CR1: variants seen among roughly 807,000 people sequenced by gnomAD.
The protein encoded by CR1 is complement C3b/C4b receptor 1 (Knops blood group).
A neutral mutation model predicts 187.3 loss-of-function variants in CR1; 116 were observed. The ratio of observed to expected loss-of-function variants is 0.62; its 90% CI spans 0.53 to 0.72. The LOEUF (loss-of-function observed/expected upper bound fraction) is 0.72, where lower values mean the gene tolerates loss of function less well. Ranked by LOEUF, CR1 falls within the 30% of genes least tolerant of loss-of-function variation. CR1 has a pLI of 0.00. For synonymous variants in CR1, 576 were observed against 747.1 expected (o/e 0.77, Z 3.73); for missense variants, 1,731 against 2,110.7 (o/e 0.82, Z 3.52).
chr1:207,517,989 TTTTA>T (rs1290989058), intron 4 of CR1, among the ~76,000 whole-genome samples: 2 of 152,190 alleles, frequency 1.3e-5, no homozygotes, highest in African/African-American at 4.8e-5. Context: ...CTATTTTCTC[TTTTA>T]TTGATTTCTG....
At chr1:207,517,444 A>G (rs897104529) in intron 4 of CR1, among the ~76,000 whole-genome samples, 1 of 152,098 alleles carries the variant, frequency 6.6e-6, no homozygotes, top group Admixed American at 6.5e-5. Flanking sequence ...ATTTGCATTT[A>G]TATTCTCAAG....
chr1:207,503,360 C>A (rs1349806765), intron 1 of CR1, among the ~76,000 whole-genome samples: 2 of 152,172 alleles, frequency 1.3e-5, no homozygotes, highest in Non-Finnish European at 2.9e-5. Context: ...GCTGCTGTAA[C>A]AAATTTCCAC....
chr1:207,572,284 C>A (rs2102330106), intron 27 of CR1, among the ~76,000 whole-genome samples: 1 of 147,804 alleles, frequency 6.8e-6, no homozygotes, highest in East Asian at 2.0e-4. Context: ...CTAGAAAAAT[C>A]TTTTGTGAAA....
At chr1:207,521,934 G>A (rs911671645) in intron 4 of CR1, among the ~76,000 whole-genome samples, 11 of 151,230 alleles carry the variant, frequency 7.3e-5, no homozygotes, top group Admixed American at 2.0e-4. Context: ...CTCCCATAGC[G>A]TTAGAATTAC....
chr1:207,523,397 A>G (rs1317875996), intron 4 of CR1, among the ~76,000 whole-genome samples: 2 of 152,252 alleles, frequency 1.3e-5, no homozygotes, highest in African/African-American at 4.8e-5. Flanking sequence ...TAATACATGC[A>G]TGCAAATACT....
At chr1:207,575,134 G>C (rs1214900088) in intron 27 of CR1, among the ~76,000 whole-genome samples, 1 of 151,478 alleles carries the variant, frequency 6.6e-6, no homozygotes, top group Non-Finnish European at 1.5e-5. Context: ...AAGTCTCTTA[G>C]ACAAGATCAA....
At chr1:207,564,787 G>A (rs1660441657) in intron 23 of CR1, among the ~76,000 whole-genome samples, 1 of 149,976 alleles carries the variant, frequency 6.7e-6, no homozygotes, top group Non-Finnish European at 1.5e-5. Flanking sequence ...AACAATGAGT[G>A]AAACTCCATC....
chr1:207,523,987 G>C lies in CR1; in HGVS notation c.864G>C (p.Pro288=). ...GCCAGGCCCTGAACAAATGGGAGCC[G>C]GAGCTACCAAGCTGCTCCAGGGGTG... The part of the protein sequence containing the change: ...VKCQALNKWE[P]ELPSCSRVCQ... The change falls in exon 5 of 47, where the codon CCG becomes CCC. Residue 288 remains proline, a synonymous_variant. Coordinates refer to ENST00000367049, the MANE Select transcript of CR1 (RefSeq NM_000651.6). 6.2e-7 allele frequency: 1 copy of C among 1,611,744 alleles called. No individual in the cohort carries two copies. The highest frequency in any genetic ancestry group is 8.5e-7 in the Non-Finnish European group (1 of 1,179,714).
chr1:207,627,530 T>C (rs1406571559), intron 45 of CR1, among the ~76,000 whole-genome samples: 2 of 152,242 alleles, frequency 1.3e-5, no homozygotes, highest in Non-Finnish European at 2.9e-5. Flanking sequence ...TCAAGGCTGC[T>C]CCTTGTTCTA....
chr1:207,573,404 T>G lies in CR1; in HGVS notation c.4452-2191T>G, dbSNP rs532459839. ...CTTTTCTCTCTTTTTTTTAAGCATT[T>G]TTAAATGCAATTGGTAAATTTCCTG... On this transcript the variant is annotated intron_variant, in intron 27 of 46. Coordinates refer to ENST00000367049, the MANE Select transcript of CR1 (RefSeq NM_000651.6). Among the ~76,000 whole-genome samples, 28 of 152,274 alleles carry G rather than the reference T, an allele frequency of 1.8e-4. 1 individual carries two copies. Among genetic ancestry groups the G allele is most frequent in the Non-Finnish European group, 3.5e-4 (24 of 68,022 alleles).
chr1:207,581,144 A>ATATG (rs1411473927), intron 31 of CR1, among the ~76,000 whole-genome samples: 7 of 152,112 alleles, frequency 4.6e-5, no homozygotes, highest in Non-Finnish European at 7.4e-5. Flanking sequence ...ATGGACACGT[A>ATATG]TATGTATACG....
At chr1:207,624,270 T>A (rs770077126) in intron 45 of CR1, among the ~76,000 whole-genome samples, 2 of 152,104 alleles carry the variant, frequency 1.3e-5, no homozygotes, top group Non-Finnish European at 2.9e-5. Context: ...TTGCAAAGAC[T>A]AAGATCTGAA....
chr1:207,641,592 A>C lies in CR1; in HGVS notation c.*2183A>C, dbSNP rs1427069336. 3 of 152,228 alleles carry C rather than the reference A, an allele frequency of 2.0e-5. No individual in the cohort carries two copies. Among genetic ancestry groups the C allele is most frequent in the Non-Finnish European group, 4.4e-5 (3 of 68,038 alleles). 9.4% of individuals were successfully genotyped at this position (152,228 alleles called of 1,614,324 possible). A position where few individuals can be genotyped will look rare whatever the true frequency, so the allele number is the denominator to read the frequency against. ...GACCTTACATTTTCATCTGAAAAGC[A>C]GGGGCTGGACACCAATTGCCCTATG... On this transcript the variant is annotated 3_prime_UTR_variant, in exon 47 of 47. Coordinates refer to ENST00000367049, the MANE Select transcript of CR1 (RefSeq NM_000651.6).
Position 207,496,179 on chromosome 1 carries a change from T to A in CR1, c.-89T>A. 2.5e-6 allele frequency: 4 copies of A among 1,607,052 alleles called. No individual in the cohort carries two copies. Among genetic ancestry groups the A allele is most frequent in the Non-Finnish European group, 3.4e-6 (4 of 1,177,078 alleles). ...CCCACACTCTGGGCGCGGAGCACAATGATTGGTCACTCCTATTTTCGCTGA... is the reference window on the plus strand; with the variant it reads ...CCCACACTCTGGGCGCGGAGCACAAAGATTGGTCACTCCTATTTTCGCTGA... On this transcript the variant is annotated 5_prime_UTR_variant, in exon 1 of 47. The change abolishes an upstream ATG in the 5' untranslated region. Coordinates refer to ENST00000367049, the MANE Select transcript of CR1 (RefSeq NM_000651.6).
In CR1 at chr1:207,633,568, C is replaced by T. The variant is rs187911109; in HGVS notation, c.7457+2947C>T. 3.8e-4 allele frequency among the ~76,000 whole-genome samples: 58 copies of T among 152,230 alleles called. 2 individuals are homozygous for T. The highest frequency in any genetic ancestry group is 3.6e-3 in the Admixed American group (55 of 15,296). On this transcript the variant is annotated intron_variant, in intron 46 of 46. Coordinates refer to ENST00000367049, the MANE Select transcript of CR1 (RefSeq NM_000651.6). ...GCATTCATGTAGTTGCTTATTTATT[C>T]TTCAAACATTCTTAGCCACTTACAA... is the stretch of plus-strand genomic sequence containing the variant.
chr1:207,512,311 A>G (rs964221997), intron 4 of CR1, among the ~76,000 whole-genome samples: 1 of 152,234 alleles, frequency 6.6e-6, no homozygotes, highest in Non-Finnish European at 1.5e-5. Context: ...GAAACATAAA[A>G]CAGCTATGCA....
intron 4 of CR1, among the ~76,000 whole-genome samples, chr1:207,512,845 T>C (rs7512361): frequency 0.26 from 40,089 of 152,072 alleles, 5,572 homozygotes; most frequent in South Asian, 0.45. Context: ...ATACCTGTAT[T>C]TATTTTTTAT....
chr1:207,633,610 C>G (rs1005818364), intron 46 of CR1, among the ~76,000 whole-genome samples: 1 of 152,170 alleles, frequency 6.6e-6, no homozygotes, highest in Admixed American at 6.5e-5. Flanking sequence ...ATACATTGTG[C>G]TTATGTGTGT....
At chr1:207,581,559 A>C (rs1660958191) in intron 31 of CR1, among the ~76,000 whole-genome samples, 1 of 147,742 alleles carries the variant, frequency 6.8e-6, no homozygotes, top group Admixed American at 6.6e-5. Context: ...AGAAAGTTGT[A>C]TATAAGATAA....
Sources: allele counts gnomAD v4.1 joint callset (sites outside exome capture counted in the v4.1 genomes callset), GRCh38; gene constraint gnomAD v4.1.1; transcripts MANE v1.5; gene names NCBI Gene and HGNC (gene_info 2026-07-23, HGNC 2026-07-21).